GRM6: variants seen among roughly 807,000 people sequenced by gnomAD.
The protein encoded by GRM6 is glutamate metabotropic receptor 6.
In GRM6, 73 loss-of-function variants were observed where a neutral mutation model predicts 78.4. The observed-to-expected ratio is 0.93, with a 90% CI of 0.77 to 1.13. The LOEUF (loss-of-function observed/expected upper bound fraction) is 1.13. Ranked by LOEUF, GRM6 falls within the 50% of genes most tolerant of loss-of-function variation. The pLI is 0.00. For missense variants in GRM6, 1,251 were observed against 1,256.4 expected (o/e 1.00, Z 0.07); for synonymous variants, 580 against 555.0 (o/e 1.05, Z -0.63).
At position 178,985,658 on chromosome 5, in the gene GRM6, G is replaced by C. The variant is rs541571807; in HGVS notation, c.2124+472C>G. 339 of 392,258 alleles carry C rather than the reference G, an allele frequency of 8.6e-4. 2 individuals carry two copies. The highest frequency in any genetic ancestry group is 4.0e-3 in the Admixed American group (121 of 30,522). 24.3% of individuals were successfully genotyped at this position (392,258 alleles called of 1,614,324 possible). A position where few individuals can be genotyped will look rare whatever the true frequency, so the allele number is the denominator to read the frequency against. On this transcript the variant is annotated intron_variant, in intron 9 of 10. Coordinates refer to ENST00000517717, the MANE Select transcript of GRM6 (RefSeq NM_000843.4). ...GCAGAGCTTGCAGGGAGCTGAGATA[G>C]TGCCACTGCACTCCAGCCTGGGCGA...
Position 178,986,327 on chromosome 5 carries a change from C to T in GRM6, c.1927G>A (p.Ala643Thr), listed in dbSNP as rs375053843. The change falls in exon 9 of 11, where the codon GCT becomes ACT. Residue 643 changes from alanine (A) to threonine (T), a missense_variant. Ala to Thr is a moderately conservative substitution (Grantham distance 58). Coordinates refer to ENST00000517717, the MANE Select transcript of GRM6 (RefSeq NM_000843.4). Reference sequence around the variant, plus strand: ...GCACAGACCGCGGCCCCAGGCTCAGCCACCATGAGGAAGGTGATGGCGTAG... The same window carrying T: ...GCACAGACCGCGGCCCCAGGCTCAGTCACCATGAGGAAGGTGATGGCGTAG... ...LIYAITFLMV[A>T]EPGAAVCAAR... 1.2e-6 allele frequency: 2 copies of T among 1,613,992 alleles called. No individual in the cohort carries two copies. Among genetic ancestry groups the T allele is most frequent in the African/African-American group, 1.3e-5 (1 of 74,940 alleles).
Position 178,980,340 on chromosome 5 carries a change from A to C in GRM6, c.*1317T>G, listed in dbSNP as rs1191109321. 1 of 154,400 alleles carries C rather than the reference A, an allele frequency of 6.5e-6. No individual in the cohort carries two copies. The highest frequency in any genetic ancestry group is 2.4e-5 in the African/African-American group (1 of 41,540). 9.6% of individuals were successfully genotyped at this position (154,400 alleles called of 1,614,324 possible). Reference sequence around the variant, plus strand: ...TGTAAAAACTATCAGTGAAAAACAAATGTGCGTGCATCTGCAGCCCAAGCC... The same window carrying C: ...TGTAAAAACTATCAGTGAAAAACAACTGTGCGTGCATCTGCAGCCCAAGCC... On this transcript the variant is annotated 3_prime_UTR_variant, in exon 11 of 11. Coordinates refer to ENST00000517717, the MANE Select transcript of GRM6 (RefSeq NM_000843.4). This position sits in a 1 kb window ranked among gnomAD's most constrained non-coding sequence, Gnocchi z 4.3.
In GRM6 at chr5:178,981,701, C is replaced by T. The variant is rs2113310718; in HGVS notation, c.2590G>A (p.Val864Met). 1.2e-6 allele frequency: 2 copies of T among 1,614,122 alleles called. No homozygotes were observed. Among genetic ancestry groups the T allele is most frequent in the Non-Finnish European group, 1.7e-6 (2 of 1,179,976 alleles). ...TCCTCGCCCTTGGGTGGGGCTGCCA[C>T]CGTGGAGGTGGCCTTGAGGCTCCGC... is the stretch of plus-strand genomic sequence containing the variant. ...RKRSLKATST[V>M]AAPPKGEDAE... Residue 864 changes from valine to methionine, a missense_variant, in exon 11 of 11, where the codon GTG becomes ATG. Physicochemically the swap from Val to Met is conservative, Grantham distance 21 (BLOSUM62 1). Transcript: ENST00000517717. The surrounding 1 kb of genome is among the most constrained non-coding windows in gnomAD (Gnocchi z 5.1).
rs144362143 is a variant in GRM6 at position 178,991,945 on chromosome 5, A to G, written c.643T>C (p.Tyr215His). The G allele has an allele frequency of 8.4e-5, 135 of 1,614,122 alleles. No individual in the cohort carries two copies. Among genetic ancestry groups the G allele is most frequent in the Middle Eastern group, 8.2e-4 (5 of 6,062 alleles). The stretch of plus-strand genomic sequence containing the variant: ...CCCTCGGAGGCCAGCGTGGACACAT[A>G]GTTCCATCCCAGTGCCCTCACGATG... ...VDIVRALGWN[Y>H]VSTLASEGNY... Residue 215 changes from tyrosine to histidine, a missense_variant, in exon 3 of 11, where the codon TAT becomes CAT. Tyr to His is a moderately conservative substitution (Grantham distance 83, BLOSUM62 2). Coordinates refer to ENST00000517717, the MANE Select transcript of GRM6 (RefSeq NM_000843.4). The surrounding 1 kb of genome is among the most constrained non-coding windows in gnomAD (Gnocchi z 5.0).
At chr5:178,982,232 C>A (rs1221986873) in intron 10 of GRM6, among the ~76,000 whole-genome samples, 1 of 152,110 alleles carries the variant, frequency 6.6e-6, no homozygotes, top group Admixed American at 6.5e-5. Context: ...CTGCCGCATA[C>A]GTGAATAAAT....
intron 9 of GRM6, chr5:178,985,166 T>G: frequency 7.1e-6 from 3 of 422,406 alleles, no homozygotes; most frequent in South Asian, 5.2e-5. Context: ...CAGCAGAGAC[T>G]CCCTTGTGGA....
At chr5:178,983,313 T>G (rs763056795) in intron 9 of GRM6, 92 bp from the exon 10 acceptor site, 1 of 1,114,848 alleles carries the variant, frequency 9.0e-7, no homozygotes, top group Non-Finnish European at 1.3e-6. Flanking sequence ...AGGATCCCCT[T>G]GAGGCTCTGG....
At chr5:178,983,985 G>C (rs1760458068) in intron 9 of GRM6, among the ~76,000 whole-genome samples, 1 of 152,194 alleles carries the variant, frequency 6.6e-6, no homozygotes, top group South Asian at 2.1e-4. Flanking sequence ...CCTGGAGCAG[G>C]GCCATGTGAT....
Position 178,988,904 on chromosome 5 carries a change from C to G in GRM6, c.1354+31G>C. On this transcript the variant is annotated intron_variant, in intron 7 of 10. Coordinates refer to ENST00000517717, the MANE Select transcript of GRM6 (RefSeq NM_000843.4). The surrounding 1 kb of genome is among the most constrained non-coding windows in gnomAD (Gnocchi z 6.0). ...AAAATCCAGCCCCCCAGCTGTCCTT[C>G]ACTGCTGCAGGGGGGCAGGCACCCA... is the stretch of plus-strand genomic sequence containing the variant. 6.4e-7 allele frequency: 1 copy of G among 1,573,472 alleles called. No individual in the cohort carries two copies. Among genetic ancestry groups the G allele is most frequent in the South Asian group, 1.1e-5 (1 of 89,604 alleles).
chr5:178,981,140 T>A lies in GRM6; in HGVS notation c.*517A>T, dbSNP rs1210130752. 1 of 167,084 alleles carries A rather than the reference T, an allele frequency of 6.0e-6. No individual in the cohort carries two copies. The highest frequency in any genetic ancestry group is 1.3e-5 in the Non-Finnish European group (1 of 77,054). The allele number at this position is 167,084 out of a possible 1,614,324, so 10.4% of individuals were successfully genotyped here. On this transcript the variant is annotated 3_prime_UTR_variant, in exon 11 of 11. Transcript: ENST00000517717. The surrounding 1 kb of genome is among the most constrained non-coding windows in gnomAD (Gnocchi z 5.1). ...GTCTCACCCAGGGTCTCTCCCTCCG[T>A]GCCAGAGGAATCCTACCCAGGCCTG...
At chr5:178,985,668 A>T (rs149387247) in intron 9 of GRM6, 12 of 397,104 alleles carry the variant, frequency 3.0e-5, no homozygotes, top group Non-Finnish European at 4.9e-5. Flanking sequence ...GTGCCACTGC[A>T]CTCCAGCCTG....
At position 178,986,838 on chromosome 5, in the gene GRM6, A is replaced by G. The variant is rs368716994; in HGVS notation, c.1500T>C (p.Asp500=). 9 of 1,613,670 alleles carry G rather than the reference A, an allele frequency of 5.6e-6. No homozygotes were observed. The highest frequency in any genetic ancestry group is 7.6e-6 in the Non-Finnish European group (9 of 1,179,972). ...CCTGGGGCTCGGTCTGCACACTCACATCCAGTCTGAGGGTCTCTGCCCACT... is the reference window on the plus strand; with the variant it reads ...CCTGGGGCTCGGTCTGCACACTCACGTCCAGTCTGAGGGTCTCTGCCCACT... ...VGQWAETLRL[D]VEALQWSGDP... is the part of the protein sequence containing the mutation. The change falls in exon 8 of 11, where the codon GAT becomes GAC. Residue 500 remains aspartate (D), a splice_region_variant and synonymous_variant. Transcript: ENST00000517717.
rs1175160015 is a variant in GRM6, at chr5:178,992,929, G to A, written c.505-846C>T. Reference sequence around the variant, plus strand: ...AAGGAGAGAGGGAGAGAGAGAGAGAGAAACAACTGAGGAGACCGAGAGACG... The same window carrying A: ...AAGGAGAGAGGGAGAGAGAGAGAGAAAAACAACTGAGGAGACCGAGAGACG... On this transcript the variant is annotated intron_variant, in intron 2 of 10. Transcript: ENST00000517717. The surrounding 1 kb of genome is among the most constrained non-coding windows in gnomAD (Gnocchi z 4.9). 6.6e-6 allele frequency among the ~76,000 whole-genome samples: 1 copy of A among 151,692 alleles called. No homozygotes were observed. The highest frequency in any genetic ancestry group is 1.5e-5 in the Non-Finnish European group (1 of 67,928).
chr5:178,982,576 CAAAAAAAAAAAAAA>C (rs70997654), intron 10 of GRM6, among the ~76,000 whole-genome samples: 5 of 20,184 alleles, frequency 2.5e-4, no homozygotes, highest in South Asian at 7.9e-3. Context: ...GACTCTGTCT[CAAAAAAAAAAAAAA>C]AAAAAAAAAA....
In GRM6 at chr5:178,992,214, T is replaced by A. The variant is rs1395238659; in HGVS notation, c.505-131A>T. ...ATGGACCTGGGACACAGATGGGAGA[T>A]GGAAGGGTTGGGGTGGGGACCTGGG... On this transcript the variant is annotated intron_variant, in intron 2 of 10. Coordinates refer to ENST00000517717, the MANE Select transcript of GRM6 (RefSeq NM_000843.4). The surrounding 1 kb of genome is among the most constrained non-coding windows in gnomAD (Gnocchi z 4.9). The A allele has an allele frequency of 1.4e-6, 1 of 719,216 alleles. No individual in the cohort carries two copies. Among genetic ancestry groups the A allele is most frequent in the East Asian group, 2.7e-5 (1 of 37,092 alleles). The allele number at this position is 719,216 out of a possible 1,614,324, so 44.6% of individuals were successfully genotyped here.
In GRM6 at chr5:178,981,319, G is replaced by T; in HGVS notation, c.*338C>A. On this transcript the variant is annotated 3_prime_UTR_variant, in exon 11 of 11. Transcript: ENST00000517717. The surrounding 1 kb of genome is among the most constrained non-coding windows in gnomAD (Gnocchi z 5.1). Reference sequence around the variant, plus strand: ...GTTGACTGAGGGGAGGAAATCTCCCGCAAACCAGGCAAAGCCCAGGGCTTC... The same window carrying T: ...GTTGACTGAGGGGAGGAAATCTCCCTCAAACCAGGCAAAGCCCAGGGCTTC... 3.5e-6 allele frequency: 1 copy of T among 285,244 alleles called. No homozygotes were observed. Among genetic ancestry groups the T allele is most frequent in the South Asian group, 4.7e-5 (1 of 21,432 alleles). The allele number at this position is 285,244 out of a possible 1,614,324, so 17.7% of individuals were successfully genotyped here.
At position 178,981,704 on chromosome 5, in the gene GRM6, T is replaced by C. The variant is rs1360818896; in HGVS notation, c.2587A>G (p.Thr863Ala). The C allele has an allele frequency of 6.2e-7, 1 of 1,613,756 alleles. No homozygotes were observed. Residue 863 changes from threonine to alanine, a missense_variant, in exon 11 of 11, where the codon ACG (threonine) becomes GCG (alanine). Coordinates refer to ENST00000517717, the MANE Select transcript of GRM6 (RefSeq NM_000843.4). This position sits in a 1 kb window ranked among gnomAD's most constrained non-coding sequence, Gnocchi z 5.1. The part of the protein sequence containing the change: ...KRKRSLKATS[T>A]VAAPPKGEDA... Reference sequence around the variant, plus strand: ...TCGCCCTTGGGTGGGGCTGCCACCGTGGAGGTGGCCTTGAGGCTCCGCTTT... The same window carrying C: ...TCGCCCTTGGGTGGGGCTGCCACCGCGGAGGTGGCCTTGAGGCTCCGCTTT...
rs984199642 is a variant in GRM6, at chr5:178,992,334, C to G, written c.505-251G>C. ...GAATGCTGTGCAGGTGGGAGGTATG[C>G]AGGGCTGGGGAGAGGGCAGGACCGC... On this transcript the variant is annotated intron_variant, in intron 2 of 10. Transcript: ENST00000517717. This position sits in a 1 kb window ranked among gnomAD's most constrained non-coding sequence, Gnocchi z 4.9. 1.6e-6 allele frequency: 1 copy of G among 639,118 alleles called. No individual in the cohort carries two copies. The highest frequency in any genetic ancestry group is 1.8e-5 in the African/African-American group (1 of 56,030). The allele number at this position is 639,118 out of a possible 1,614,324, so 39.6% of individuals were successfully genotyped here.
intron 6 of GRM6, 25 bp from the exon 7 acceptor site, chr5:178,989,160 G>A (rs1455812305): frequency 6.2e-7 from 1 of 1,610,380 alleles, no homozygotes; most frequent in Non-Finnish European, 8.5e-7. Context: ...CCCAGAGAAA[G>A]TGTGCCCGGC....
Sources: allele counts gnomAD v4.1 joint callset (sites outside exome capture counted in the v4.1 genomes callset), GRCh38; gene constraint gnomAD v4.1.1; non-coding constraint Gnocchi (gnomAD v3.1); transcripts MANE v1.5; gene names NCBI Gene and HGNC (gene_info 2026-07-23, HGNC 2026-07-21).